TECPR1: variants seen among roughly 807,000 people sequenced by gnomAD.
The protein encoded by TECPR1 is tectonin beta-propeller repeat containing 1, also known as tectonin beta-propeller repeat-containing protein 1.
Under a neutral mutation model 162.4 loss-of-function variants are expected in TECPR1, and 122 were observed. The ratio of observed to expected loss-of-function variants is 0.75; its 90% CI spans 0.65 to 0.87. The LOEUF is 0.87. Among genes scored for constraint, TECPR1 ranks in the 40% least tolerant of loss-of-function variants. The pLI, the probability that TECPR1 is intolerant of heterozygous loss-of-function variation, is 0.00. For synonymous variants in TECPR1, 642 were observed against 670.6 expected (o/e 0.96, Z 0.66); for missense variants, 1,432 against 1,618.2 (o/e 0.88, Z 1.97).
At chr7:98,240,213 G>A (rs923158324) in intron 8 of TECPR1, among the ~76,000 whole-genome samples, 1 of 152,148 alleles carries the variant, frequency 6.6e-6, no homozygotes, top group African/African-American at 2.4e-5. Context: ...ACTAGAGGAT[G>A]GGGAGGCGCT....
intron 10 of TECPR1, among the ~76,000 whole-genome samples, chr7:98,235,845 A>AC (rs1268492081): frequency 2.1e-5 from 3 of 140,884 alleles, no homozygotes; most frequent in East Asian, 4.0e-4. Context: ...AAAAAAAAAA[A>AC]AAAAAACACC....
At chr7:98,238,725 A>T in intron 8 of TECPR1, 115 bp from the exon 9 acceptor site, 1 of 837,512 alleles carries the variant, frequency 1.2e-6, no homozygotes. Flanking sequence ...TCACGTCGCA[A>T]ATGAGCAGTG....
At chr7:98,227,977 C>A (rs368306648) in intron 17 of TECPR1, 37 bp downstream of exon 17, 5 of 1,566,286 alleles carry the variant, frequency 3.2e-6, no homozygotes, top group Non-Finnish European at 4.4e-6. Context: ...AAGGCCTATG[C>A]CAGGCAGCAT....
chr7:98,240,985 C>A, intron 7 of TECPR1, 34 bp from the exon 8 acceptor site: 2 of 1,590,542 alleles, frequency 1.3e-6, no homozygotes, highest in African/African-American at 1.3e-5. Context: ...CAGTGGCCCC[C>A]ATCAGCCTGG....
chr7:98,217,629 G>C, intron 25 of TECPR1, 63 bp downstream of exon 25: 2 of 1,519,094 alleles, frequency 1.3e-6, no homozygotes, highest in South Asian at 1.2e-5. Flanking sequence ...TGGTCGTCCC[G>C]TCTTCAGCAC....
At chr7:98,222,969 C>G in intron 21 of TECPR1, 21 bp downstream of exon 21, 6 of 1,609,768 alleles carry the variant, frequency 3.7e-6, no homozygotes, top group Non-Finnish European at 5.1e-6. Context: ...CAAGAAGAAT[C>G]TGTCTGGCCC....
chr7:98,227,697 C>T (rs1798313576), intron 17 of TECPR1, among the ~76,000 whole-genome samples: 1 of 151,740 alleles, frequency 6.6e-6, no homozygotes, highest in African/African-American at 2.4e-5. Context: ...TGCCAGGCGC[C>T]TGTAATCCCA....
At chr7:98,221,788 T>C (rs1195979136) in intron 22 of TECPR1, 35 bp from the exon 23 acceptor site, 1 of 1,580,326 alleles carries the variant, frequency 6.3e-7, no homozygotes, top group South Asian at 1.1e-5. Context: ...CACGCTGCCT[T>C]CTCCTCCTTG....
intron 6 of TECPR1, among the ~76,000 whole-genome samples, chr7:98,242,706 CCCACACAG>C: frequency 1.5e-5 from 2 of 134,144 alleles, no homozygotes; most frequent in Admixed American, 7.9e-5. Context: ...CACCCACCCA[CCCACACAG>C]CCATCCATCC....
Position 98,217,673 on chromosome 7 carries a change from G to T in TECPR1, c.3384+19C>A, listed in dbSNP as rs1354970715. 3 of 1,530,258 alleles carry T rather than the reference G, an allele frequency of 2.0e-6. No homozygotes were observed. The highest frequency in any genetic ancestry group is 4.0e-5 in the Admixed American group (2 of 50,276). 94.8% of individuals were successfully genotyped at this position (1,530,258 alleles called of 1,614,324 possible). On this transcript the variant is annotated intron_variant, in intron 25 of 25. Transcript: ENST00000447648. Reference sequence around the variant, plus strand: ...GGCACAAGGTGATAACACAGCCCAAGGCCGCGGGCCCCGCTCACCCCGATG... The same window carrying T: ...GGCACAAGGTGATAACACAGCCCAATGCCGCGGGCCCCGCTCACCCCGATG...
rs6969321 is a variant in TECPR1 at position 98,216,119 on chromosome 7, G to A, written c.*1271C>T. 0.56 allele frequency: 85,256 copies of A among 152,218 alleles called. 25,866 individuals carry two copies. Among genetic ancestry groups the A allele is most frequent in the Middle Eastern group, 0.71 (209 of 294 alleles). The allele number at this position is 152,218 out of a possible 1,614,324, so 9.4% of individuals were successfully genotyped here. A position where few individuals can be genotyped will look rare whatever the true frequency, so the allele number is the denominator to read the frequency against. ...GAAGCAAACTCCCAAATGGGGCACA[G>A]AGGTAATAAAAAGCAGCTGAGAGAC... On this transcript the variant is annotated 3_prime_UTR_variant, in exon 26 of 26. Coordinates refer to ENST00000447648, the MANE Select transcript of TECPR1 (RefSeq NM_015395.3).
At chr7:98,247,284 T>C (rs936365489) in intron 2 of TECPR1, among the ~76,000 whole-genome samples, 1 of 151,662 alleles carries the variant, frequency 6.6e-6, no homozygotes, top group African/African-American at 2.4e-5. Context: ...ACAACAGACA[T>C]GCACCACCAT....
chr7:98,231,063 G>A lies in TECPR1; in HGVS notation c.2180C>T (p.Ser727Phe). 1 of 1,610,458 alleles carries A rather than the reference G, an allele frequency of 6.2e-7. No homozygotes were observed. The highest frequency in any genetic ancestry group is 8.5e-7 in the Non-Finnish European group (1 of 1,178,858). The change falls in exon 15 of 26, where the codon TCC (serine) becomes TTC (phenylalanine). Residue 727 changes from serine (S) to phenylalanine (F), a missense_variant. Ser to Phe is a radical substitution (Grantham distance 155, BLOSUM62 -2). Transcript: ENST00000447648. ...GGTGATGGACCAGATGGCCTGCGGG[G>A]ACGGGCGGCCCTGCACCTTCCGGCT... ...CESRKVQGRPSPQAIWSITCK... is the reference protein window; with the variant it reads ...CESRKVQGRPFPQAIWSITCK...
Position 98,230,211 on chromosome 7 carries a change from G to C in TECPR1, c.2282+750C>G, listed in dbSNP as rs57741171. Among the ~76,000 whole-genome samples the C allele has an allele frequency of 6.5e-3, 984 of 150,336 alleles. 15 individuals are homozygous for C. The highest frequency in any genetic ancestry group is 0.023 in the African/African-American group (950 of 40,840). On this transcript the variant is annotated intron_variant, in intron 15 of 25. Coordinates refer to ENST00000447648, the MANE Select transcript of TECPR1 (RefSeq NM_015395.3). ...TTGTAGAGACGAGTCTAGCTATGTT[G>C]CCCAGGCTGGTCTTGAACTTCTGAC...
chr7:98,236,891 C>G lies in TECPR1; in HGVS notation c.1066G>C (p.Val356Leu), dbSNP rs758181757. ...VWGIGCEDRAVYFRQGVTPSE... is the reference protein window; with the variant it reads ...VWGIGCEDRALYFRQGVTPSE... ...GGGGTGACACCCTGCCGGAAGTACA[C>G]GGCTCGGTCCTCACAGCCAATGCCC... The change falls in exon 10 of 26, where the codon GTG (valine) becomes CTG (leucine). Residue 356 changes from valine (V) to leucine (L), a missense_variant. By Grantham distance (32) the Val-to-Leu change is conservative (BLOSUM62 1). Coordinates refer to ENST00000447648, the MANE Select transcript of TECPR1 (RefSeq NM_015395.3). 1.3e-6 allele frequency: 2 copies of G among 1,573,712 alleles called. No homozygotes were observed. Among genetic ancestry groups the G allele is most frequent in the African/African-American group, 2.7e-5 (2 of 73,420 alleles).
intron 23 of TECPR1, 141 bp downstream of exon 23, chr7:98,221,520 G>A (rs1235640861): frequency 2.0e-5 from 13 of 649,956 alleles, no homozygotes; most frequent in Non-Finnish European, 3.3e-5. Flanking sequence ...ACTGTGTCAT[G>A]CAGACCATGT....
At chr7:98,227,866 T>C (rs1798318667) in intron 17 of TECPR1, 148 bp downstream of exon 17, 1 of 530,134 alleles carries the variant, frequency 1.9e-6, no homozygotes, top group African/African-American at 2.0e-5. Flanking sequence ...AAAATCTCAG[T>C]GAGCGGTAAG....
Position 98,217,302 on chromosome 7 carries a change from C to T in TECPR1, c.*88G>A. 1 of 913,810 alleles carries T rather than the reference C, an allele frequency of 1.1e-6. No homozygotes were observed. The highest frequency in any genetic ancestry group is 1.6e-6 in the Non-Finnish European group (1 of 618,890). The allele number at this position is 913,810 out of a possible 1,614,324, so 56.6% of individuals were successfully genotyped here. On this transcript the variant is annotated 3_prime_UTR_variant, in exon 26 of 26. Coordinates refer to ENST00000447648, the MANE Select transcript of TECPR1 (RefSeq NM_015395.3). ...CTGAGTCCACCTGGGCCACATTGCT[C>T]CCACGGTGCACACTCCAGCACAAGA... is the stretch of plus-strand genomic sequence containing the variant.
In TECPR1 at chr7:98,217,295, C is replaced by T; in HGVS notation, c.*95G>A. ...TTCCCTCCTGAGTCCACCTGGGCCA[C>T]ATTGCTCCCACGGTGCACACTCCAG... On this transcript the variant is annotated 3_prime_UTR_variant, in exon 26 of 26. Transcript: ENST00000447648. 1 of 853,682 alleles carries T rather than the reference C, an allele frequency of 1.2e-6. No individual in the cohort carries two copies. Among genetic ancestry groups the T allele is most frequent in the South Asian group, 1.8e-5 (1 of 56,724 alleles). 52.9% of individuals were successfully genotyped at this position (853,682 alleles called of 1,614,324 possible). A position where few individuals can be genotyped will look rare whatever the true frequency, so the allele number is the denominator to read the frequency against.
Sources: allele counts gnomAD v4.1 joint callset (sites outside exome capture counted in the v4.1 genomes callset), GRCh38; gene constraint gnomAD v4.1.1; transcripts MANE v1.5; gene names NCBI Gene and HGNC (gene_info 2026-07-23, HGNC 2026-07-21).